ARHGAP26: variants seen among roughly 807,000 people sequenced by gnomAD.
ARHGAP26 encodes the protein rho GTPase-activating protein 26.
Under a neutral mutation model 104.8 loss-of-function variants are expected in ARHGAP26, and 38 were observed. That is an observed-to-expected ratio of 0.36 (90% CI 0.28 to 0.48). The LOEUF is 0.48. Ranked by LOEUF, ARHGAP26 falls within the 20% of genes least tolerant of loss-of-function variation. The probability of loss-of-function intolerance (pLI) is 0.99; values close to 1 mark genes in which losing one functional copy is unlikely to be tolerated. For missense variants in ARHGAP26, 704 were observed against 947.9 expected, an observed-to-expected ratio of 0.74 and a Z score of 3.38; for synonymous variants, 341 against 340.0, an observed-to-expected ratio of 1.00 and a Z score of -0.03.
chr5:142,889,550 G>A (rs760163031), intron 5 of ARHGAP26, among the ~76,000 whole-genome samples: 3 of 152,078 alleles, frequency 2.0e-5, no homozygotes, highest in Non-Finnish European at 2.9e-5. Flanking sequence ...CCCAGGAGGC[G>A]GAGTTTGCAG....
At chr5:142,945,448 TGC>T (rs1766962568) in intron 11 of ARHGAP26, among the ~76,000 whole-genome samples, 1 of 152,230 alleles carries the variant, frequency 6.6e-6, no homozygotes, top group Non-Finnish European at 1.5e-5. Context: ...GGTTAACTAC[TGC>T]CCAGTCTTCT....
intron 17 of ARHGAP26, among the ~76,000 whole-genome samples, chr5:143,070,377 T>C (rs1788072793): frequency 6.6e-6 from 1 of 152,202 alleles, no homozygotes. Context: ...TTATCCCTTC[T>C]TTGTTATGTT....
chr5:143,031,394 C>G (rs1781814430), intron 12 of ARHGAP26, among the ~76,000 whole-genome samples: 1 of 152,084 alleles, frequency 6.6e-6, no homozygotes, highest in African/African-American at 2.4e-5. Flanking sequence ...ATCCTGGCAA[C>G]AGATGATTGA....
intron 1 of ARHGAP26, among the ~76,000 whole-genome samples, chr5:142,784,899 T>A (rs1054048294): frequency 1.9e-4 from 28 of 151,004 alleles, no homozygotes; most frequent in African/African-American, 6.8e-4. Context: ...CTACCTCTCA[T>A]CCCTAGGCAA....
At chr5:143,077,989 A>G (rs1274069585) in intron 17 of ARHGAP26, among the ~76,000 whole-genome samples, 1 of 152,124 alleles carries the variant, frequency 6.6e-6, no homozygotes, top group African/African-American at 2.4e-5. Context: ...AGGCCAGTTC[A>G]TCTCTGCATG....
chr5:143,087,777 G>A (rs1292544590), intron 17 of ARHGAP26, among the ~76,000 whole-genome samples: 2 of 149,656 alleles, frequency 1.3e-5, no homozygotes, highest in East Asian at 2.0e-4. Context: ...AGCCTCCCGA[G>A]TAGCTGGGAT....
At chr5:143,197,714 A>C (rs1204086817) in intron 20 of ARHGAP26, among the ~76,000 whole-genome samples, 1 of 152,142 alleles carries the variant, frequency 6.6e-6, no homozygotes, top group Non-Finnish European at 1.5e-5. Flanking sequence ...CCTGTTTGGG[A>C]ACCTTCAGTT....
intron 3 of ARHGAP26, among the ~76,000 whole-genome samples, chr5:142,875,774 T>C (rs1445826127): frequency 6.6e-6 from 1 of 152,202 alleles, no homozygotes; most frequent in East Asian, 1.9e-4. Context: ...AGGGTCTCAC[T>C]CTGTCACCCA....
intron 22 of ARHGAP26, among the ~76,000 whole-genome samples, chr5:143,219,710 G>T (rs1394308525): frequency 6.6e-6 from 1 of 152,172 alleles, no homozygotes; most frequent in African/African-American, 2.4e-5. Context: ...AGGCATTTGG[G>T]CACAGAAAAG....
At chr5:143,204,483 C>T (rs1168432258) in intron 20 of ARHGAP26, among the ~76,000 whole-genome samples, 1 of 152,192 alleles carries the variant, frequency 6.6e-6, no homozygotes, top group Non-Finnish European at 1.5e-5. Context: ...AAGATTGTGC[C>T]ATTGCACTCC....
intron 21 of ARHGAP26, among the ~76,000 whole-genome samples, chr5:143,210,160 G>A (rs528999727): frequency 3.9e-5 from 6 of 152,258 alleles, no homozygotes; most frequent in South Asian, 2.1e-4. Context: ...AGAAAAAGAC[G>A]TTTAACGGAC....
At chr5:142,987,105 T>C (rs978886632) in intron 11 of ARHGAP26, among the ~76,000 whole-genome samples, 2 of 152,250 alleles carry the variant, frequency 1.3e-5, no homozygotes, top group African/African-American at 4.8e-5. Flanking sequence ...ATTTTCACGA[T>C]ATTGATTCTT....
chr5:143,057,442 C>T (rs753517661), intron 16 of ARHGAP26, among the ~76,000 whole-genome samples, 200 bp from the exon 17 acceptor site: 21 of 152,080 alleles, frequency 1.4e-4, no homozygotes, highest in Non-Finnish European at 2.6e-4. Context: ...TTTTTGGCAA[C>T]CCTGTTCCAG....
Position 142,889,458 on chromosome 5 carries a change from C to CA in ARHGAP26, c.486+4069dup, listed in dbSNP as rs576846446. Reference sequence around the variant, plus strand: ...CGAAACCCTGTCTCTAGTGAAAATGCAAAAAAAAAATTAGCTAGATGTGGT... The same window carrying CA: ...CGAAACCCTGTCTCTAGTGAAAATGCAAAAAAAAAAATTAGCTAGATGTGGT... On this transcript the variant is annotated intron_variant, in intron 5 of 22. Coordinates refer to ENST00000645722, the MANE Select transcript of ARHGAP26 (RefSeq NM_001135608.3). Among the ~76,000 whole-genome samples the CA allele has an allele frequency of 2.0e-3, 299 of 146,196 alleles. 1 individual carries two copies. The highest frequency in any genetic ancestry group is 6.4e-3 in the African/African-American group (261 of 40,500).
intron 16 of ARHGAP26, among the ~76,000 whole-genome samples, chr5:143,056,597 G>A (rs976896433): frequency 3.3e-5 from 5 of 152,010 alleles, no homozygotes; most frequent in Non-Finnish European, 7.4e-5. Context: ...CATCATCCAG[G>A]TCCTGGTGTC....
At chr5:142,923,498 A>G (rs1763475256) in intron 10 of ARHGAP26, among the ~76,000 whole-genome samples, 1 of 152,140 alleles carries the variant, frequency 6.6e-6, no homozygotes, top group African/African-American at 2.4e-5. Context: ...ATTCTCCTTG[A>G]GTCTCACTCA....
rs930486882 is a variant in ARHGAP26 at position 143,225,809 on chromosome 5, G to T, written c.*3363G>T. 3 of 229,672 alleles carry T rather than the reference G, an allele frequency of 1.3e-5. No homozygotes were observed. Among genetic ancestry groups the T allele is most frequent in the Admixed American group, 5.7e-5 (1 of 17,654 alleles). The allele number at this position is 229,672 out of a possible 1,614,324, so 14.2% of individuals were successfully genotyped here. Reference sequence around the variant, plus strand: ...TCCCCAGCTTCCCTGTGGCTGTGCGGTGCCCTTGACAGATGGCTTCTCTGT... The same window carrying T: ...TCCCCAGCTTCCCTGTGGCTGTGCGTTGCCCTTGACAGATGGCTTCTCTGT... On this transcript the variant is annotated 3_prime_UTR_variant, in exon 23 of 23. Coordinates refer to ENST00000645722, the MANE Select transcript of ARHGAP26 (RefSeq NM_001135608.3).
intron 19 of ARHGAP26, among the ~76,000 whole-genome samples, chr5:143,140,298 C>A (rs559019715): frequency 6.6e-6 from 1 of 152,166 alleles, no homozygotes; most frequent in East Asian, 1.9e-4. Context: ...AGCACCCTGG[C>A]ATGGTGGTTG....
intron 1 of ARHGAP26, among the ~76,000 whole-genome samples, chr5:142,872,884 G>T (rs542384091): frequency 6.6e-6 from 1 of 152,190 alleles, no homozygotes; most frequent in Non-Finnish European, 1.5e-5. Flanking sequence ...AGGAAGGCCA[G>T]GTGCTATGGG....
Sources: allele counts gnomAD v4.1 joint callset (sites outside exome capture counted in the v4.1 genomes callset), GRCh38; gene constraint gnomAD v4.1.1; transcripts MANE v1.5; gene names NCBI Gene and HGNC (gene_info 2026-07-23, HGNC 2026-07-21).